UGT1A7: variants seen among roughly 807,000 people sequenced by gnomAD.
UGT1A7 encodes the protein UDP-glucuronosyltransferase 1A7.
In UGT1A7, 33 loss-of-function variants were observed where a neutral mutation model predicts 45.6. The ratio of observed to expected loss-of-function variants is 0.72; its 90% CI spans 0.55 to 0.97. The LOEUF is 0.97. Among genes scored for constraint, UGT1A7 ranks in the 50% least tolerant of loss-of-function variants. The pLI is 0.00. For synonymous variants in UGT1A7, 274 were observed against 250.6 expected, an observed-to-expected ratio of 1.09 and a Z score of -0.88; for missense variants, 684 against 666.2, an observed-to-expected ratio of 1.03 and a Z score of -0.29.
chr2:233,768,119 T>G, intron 3 of UGT1A7, 101 bp from the exon 4 acceptor site: 4 of 1,600,008 alleles, frequency 2.5e-6, no homozygotes, highest in Non-Finnish European at 3.4e-6. Flanking sequence ...CAAGGGCATG[T>G]GAGTAACACT....
intron 1 of UGT1A7, among the ~76,000 whole-genome samples, chr2:233,701,615 G>A (rs1575471744): frequency 6.6e-6 from 1 of 152,268 alleles, no homozygotes; most frequent in East Asian, 1.9e-4. Flanking sequence ...CTCAGCAAAC[G>A]TAAAAGAACA....
At position 233,725,173 on chromosome 2, in the gene UGT1A7, C is replaced by G. The variant is rs567676971; in HGVS notation, c.856-41861C>G. On this transcript the variant is annotated intron_variant, in intron 1 of 4. Transcript: ENST00000373426. ...CTTCGGCTCTGCATGAGAGGGAGAC[C>G]GTGGGGAGAGGCAGAGGCAGAGGCA... Among the ~76,000 whole-genome samples, 8 of 94,296 alleles carry G rather than the reference C, an allele frequency of 8.5e-5. 1 individual carries two copies. The East Asian group carries it at 9.6e-4, about 11-fold the overall frequency. The allele number at this position is 94,296 out of a possible 152,430, so 61.9% of individuals were successfully genotyped here.
chr2:233,732,685 AC>A (rs1163255557), intron 1 of UGT1A7, among the ~76,000 whole-genome samples: 1 of 150,632 alleles, frequency 6.6e-6, no homozygotes, highest in African/African-American at 2.4e-5. Context: ...TGGTACCAGC[AC>A]CCATGCTGTT....
chr2:233,758,758 G>C (rs1696968653), intron 1 of UGT1A7, among the ~76,000 whole-genome samples: 1 of 152,210 alleles, frequency 6.6e-6, no homozygotes, highest in Non-Finnish European at 1.5e-5. Context: ...CCAGTGATGT[G>C]TATGGTTCAA....
intron 1 of UGT1A7, among the ~76,000 whole-genome samples, chr2:233,736,326 T>A (rs2078751393): frequency 6.6e-6 from 1 of 152,232 alleles, no homozygotes; most frequent in South Asian, 2.1e-4. Flanking sequence ...TGTGCATGTG[T>A]TATGAAGTTC....
rs866643747 is a variant in UGT1A7, at chr2:233,725,306, A to G, written c.856-41728A>G. On this transcript the variant is annotated intron_variant, in intron 1 of 4. Coordinates refer to ENST00000373426, the MANE Select transcript of UGT1A7 (RefSeq NM_019077.3). ...CAGAGGCAGAGGCAGAGGCAGAGGC[A>G]GAGGCAGAGGCGCCTGGTCAACAAT... Among the ~76,000 whole-genome samples the G allele has an allele frequency of 8.2e-5, 7 of 85,472 alleles. 1 individual carries two copies. In the East Asian group the frequency reaches 1.3e-3, roughly 16 times the overall value. The allele number at this position is 85,472 out of a possible 152,430, so 56.1% of individuals were successfully genotyped here.
chr2:233,747,562 T>C (rs1237868574), intron 1 of UGT1A7: 2 of 1,595,464 alleles, frequency 1.3e-6, no homozygotes, highest in South Asian at 1.1e-5. Context: ...ATGGCAATTT[T>C]GAAAAATTCA....
intron 1 of UGT1A7, among the ~76,000 whole-genome samples, chr2:233,745,292 C>G (rs13426130): frequency 6.6e-6 from 1 of 151,882 alleles, no homozygotes. Context: ...TGGGGATAAA[C>G]GTGGGATGCA....
At chr2:233,689,171 A>G (rs1031704673) in intron 1 of UGT1A7, among the ~76,000 whole-genome samples, 7 of 152,202 alleles carry the variant, frequency 4.6e-5, no homozygotes, top group African/African-American at 1.7e-4. Flanking sequence ...ATCTTCTACT[A>G]GGACAGGTGC....
At chr2:233,710,803 G>A (rs771907333) in intron 1 of UGT1A7, among the ~76,000 whole-genome samples, 17 of 152,124 alleles carry the variant, frequency 1.1e-4, no homozygotes, top group Non-Finnish European at 2.1e-4. Flanking sequence ...TGTACCCCTC[G>A]TGCCCTATCT....
intron 1 of UGT1A7, among the ~76,000 whole-genome samples, chr2:233,711,537 T>C (rs545731448): frequency 6.6e-6 from 1 of 152,282 alleles, no homozygotes; most frequent in African/African-American, 2.4e-5. Flanking sequence ...TCCCCGGGAA[T>C]CATCCTCCCC....
In UGT1A7 at chr2:233,769,917, G is replaced by C. The variant is rs1699982353; in HGVS notation, c.1295+1478G>C. On this transcript the variant is annotated intron_variant, in intron 4 of 4. Transcript: ENST00000373426. The surrounding 1 kb of genome is among the most constrained non-coding windows in gnomAD (Gnocchi z 4.4). ...CTGAGCATCATGTGCCCAGAGCGTT[G>C]GGTGGTGTGGTCCCATTCCTTCCTT... 6.9e-6 allele frequency: 2 copies of C among 288,250 alleles called. No homozygotes were observed. The highest frequency in any genetic ancestry group is 1.3e-5 in the Non-Finnish European group (2 of 154,420). 17.9% of individuals were successfully genotyped at this position (288,250 alleles called of 1,614,324 possible). A position where few individuals can be genotyped will look rare whatever the true frequency, so the allele number is the denominator to read the frequency against.
chr2:233,750,793 G>A (rs996966433), intron 1 of UGT1A7: 7 of 151,906 alleles, frequency 4.6e-5, no homozygotes, highest in African/African-American at 1.7e-4. Flanking sequence ...CAGAAGATAA[G>A]AATTTAGGTT....
intron 1 of UGT1A7, among the ~76,000 whole-genome samples, chr2:233,720,026 G>A (rs1302050187): frequency 6.6e-6 from 1 of 152,126 alleles, no homozygotes; most frequent in Non-Finnish European, 1.5e-5. Flanking sequence ...TGGGGTTTTT[G>A]CTTGCCTGAT....
intron 1 of UGT1A7, chr2:233,747,257 G>T: frequency 6.2e-7 from 1 of 1,600,080 alleles, no homozygotes; most frequent in Non-Finnish European, 8.5e-7. Context: ...CTGGCCACAG[G>T]AGTGCTACTC....
intron 1 of UGT1A7, chr2:233,761,011 GTGA>G (rs759864220): frequency 6.2e-7 from 1 of 1,614,156 alleles, no homozygotes; most frequent in Non-Finnish European, 8.5e-7. Context: ...TCAGAGAGAG[GTGA>G]CTGTCCAGGA....
At position 233,768,249 on chromosome 2, in the gene UGT1A7, C is replaced by T. The variant is rs1699594140; in HGVS notation, c.1105C>T (p.His369Tyr). ...CCCGATGACCCGTGCCTTTATCACC[C>T]ATGCTGGTTCCCATGGTGTTTATGA... Reference protein sequence around the residue: ...GHPMTRAFITHAGSHGVYESI... With the variant: ...GHPMTRAFITYAGSHGVYESI... Residue 369 changes from histidine to tyrosine, a missense_variant, in exon 4 of 5, where the codon CAT (histidine) becomes TAT (tyrosine). His to Tyr is a moderately conservative substitution (Grantham distance 83). Transcript: ENST00000373426. The T allele has an allele frequency of 6.2e-7, 1 of 1,614,198 alleles. No homozygotes were observed. The highest frequency in any genetic ancestry group is 8.5e-7 in the Non-Finnish European group (1 of 1,180,036).
At chr2:233,683,674 A>C (rs2074645836) in intron 1 of UGT1A7, among the ~76,000 whole-genome samples, 1 of 152,132 alleles carries the variant, frequency 6.6e-6, no homozygotes, top group South Asian at 2.1e-4. Context: ...TTTCTTATTA[A>C]CCTTTATTCC....
rs1208281269 is a variant in UGT1A7 at position 233,769,345 on chromosome 2, G to C, written c.1295+906G>C. Among the ~76,000 whole-genome samples, 1 of 152,210 alleles carries C rather than the reference G, an allele frequency of 6.6e-6. No individual in the cohort carries two copies. The highest frequency in any genetic ancestry group is 1.5e-5 in the Non-Finnish European group (1 of 68,032). On this transcript the variant is annotated intron_variant, in intron 4 of 4. Coordinates refer to ENST00000373426, the MANE Select transcript of UGT1A7 (RefSeq NM_019077.3). This position sits in a 1 kb window ranked among gnomAD's most constrained non-coding sequence, Gnocchi z 4.4. ...GTAATAGGCTTATTAGAACCTTATG[G>C]GAAGAAGTGGTGGCCAGTGGTAGAT...
Sources: allele counts gnomAD v4.1 joint callset (sites outside exome capture counted in the v4.1 genomes callset), GRCh38; gene constraint gnomAD v4.1.1; non-coding constraint Gnocchi (gnomAD v3.1); transcripts MANE v1.5; gene names NCBI Gene and HGNC (gene_info 2026-07-23, HGNC 2026-07-21).